Variants in SLAIN1 observed in about 807,000 individuals in gnomAD.
The protein encoded by SLAIN1 is SLAIN motif-containing protein 1.
In SLAIN1, 17 loss-of-function variants were observed where a neutral mutation model predicts 55.4. The observed-to-expected ratio is 0.31, with a 90% CI of 0.21 to 0.46. The LOEUF is 0.46. Ranked by LOEUF, SLAIN1 falls within the 20% of genes least tolerant of loss-of-function variation. The pLI is 1.00. For synonymous variants in SLAIN1, 348 were observed against 337.4 expected, an observed-to-expected ratio of 1.03 and a Z score of -0.35; for missense variants, 682 against 785.1, an observed-to-expected ratio of 0.87 and a Z score of 1.57.
chr13:77,698,457 C>T lies in SLAIN1; in HGVS notation c.544C>T (p.Pro182Ser). 1 of 1,441,418 alleles carries T rather than the reference C, an allele frequency of 6.9e-7. No individual in the cohort carries two copies. Among genetic ancestry groups the T allele is most frequent in the East Asian group, 3.0e-5 (1 of 32,950 alleles). 89.3% of individuals were successfully genotyped at this position (1,441,418 alleles called of 1,614,324 possible). A position where few individuals can be genotyped will look rare whatever the true frequency, so the allele number is the denominator to read the frequency against. The change falls in exon 1 of 7, where the codon CCG (proline) becomes TCG (serine). Residue 182 changes from proline (P) to serine (S), a missense_variant. Coordinates refer to ENST00000418532, the MANE Select transcript of SLAIN1 (RefSeq NM_001242868.2). This position sits in a 1 kb window ranked among gnomAD's most constrained non-coding sequence, Gnocchi z 4.1. The stretch of plus-strand genomic sequence containing the variant: ...AGGGGCAGCTGCAGCGCCGCCCTCG[C>T]CGCCCCCCACGCTGCTGGACGAGGT... ...PPGAAAAPPS[P>S]PPTLLDEVEL...
chr13:77,698,417 C>A lies in SLAIN1; in HGVS notation c.504C>A (p.Gly168=). The change falls in exon 1 of 7, where the codon GGC becomes GGA. Residue 168 remains glycine (G), a synonymous_variant. Transcript: ENST00000418532. This position sits in a 1 kb window ranked among gnomAD's most constrained non-coding sequence, Gnocchi z 4.1. The part of the protein sequence containing the change: ...GAGGGGPEPG[G]AGTPPGAAAA... The stretch of plus-strand genomic sequence containing the variant: ...GCGGTGGCGGGCCGGAGCCGGGGGG[C>A]GCGGGGACGCCGCCAGGGGCAGCTG... The A allele has an allele frequency of 7.2e-7, 1 of 1,393,238 alleles. No individual in the cohort carries two copies. The allele number at this position is 1,393,238 out of a possible 1,614,324, so 86.3% of individuals were successfully genotyped here. A position where few individuals can be genotyped will look rare whatever the true frequency, so the allele number is the denominator to read the frequency against.
At chr13:77,759,637 G>T (rs1279893806) in intron 5 of SLAIN1, among the ~76,000 whole-genome samples, 1 of 152,092 alleles carries the variant, frequency 6.6e-6, no homozygotes. Context: ...TTTGTTGAGG[G>T]TTTTTATCAT....
intron 2 of SLAIN1, among the ~76,000 whole-genome samples, chr13:77,723,534 A>G (rs2091280741): frequency 6.6e-6 from 1 of 152,176 alleles, no homozygotes; most frequent in Non-Finnish European, 1.5e-5. Flanking sequence ...TATTTGGGTT[A>G]GGTATAGAAT....
rs912709254 is a variant in SLAIN1, at chr13:77,764,227, C to CA, written c.*1009dup. 2 of 152,588 alleles carry CA rather than the reference C, an allele frequency of 1.3e-5. No individual in the cohort carries two copies. The highest frequency in any genetic ancestry group is 4.8e-5 in the African/African-American group (2 of 41,448). 9.5% of individuals were successfully genotyped at this position (152,588 alleles called of 1,614,324 possible). A position where few individuals can be genotyped will look rare whatever the true frequency, so the allele number is the denominator to read the frequency against. Reference sequence around the variant, plus strand: ...TTCAGAAATAAAGACTCTATTTCAGCAATATCAGGTCATGCATGAATGTAC... The same window carrying CA: ...TTCAGAAATAAAGACTCTATTTCAGCAAATATCAGGTCATGCATGAATGTAC... On this transcript the variant is annotated 3_prime_UTR_variant, in exon 7 of 7. Transcript: ENST00000418532.
intron 5 of SLAIN1, among the ~76,000 whole-genome samples, chr13:77,754,852 G>A (rs944202993): frequency 2.0e-5 from 3 of 152,068 alleles, no homozygotes; most frequent in African/African-American, 7.2e-5. Flanking sequence ...AGTGCCTGAC[G>A]TATTGCCAGA....
At chr13:77,727,513 A>C (rs2091318866) in intron 2 of SLAIN1, among the ~76,000 whole-genome samples, 1 of 151,952 alleles carries the variant, frequency 6.6e-6, no homozygotes, top group Non-Finnish European at 1.5e-5. Flanking sequence ...CCAAAAAAAA[A>C]AAACAAAAAC....
At chr13:77,745,103 C>T (rs1209702203) in intron 3 of SLAIN1, among the ~76,000 whole-genome samples, 12 of 151,880 alleles carry the variant, frequency 7.9e-5, no homozygotes, top group Non-Finnish European at 1.5e-4. Flanking sequence ...AAGAGGGTCT[C>T]GAAGCTGGAT....
At chr13:77,739,235 T>C (rs944702020) in intron 2 of SLAIN1, among the ~76,000 whole-genome samples, 3 of 152,082 alleles carry the variant, frequency 2.0e-5, no homozygotes, top group African/African-American at 7.2e-5. Flanking sequence ...TAGACTATTA[T>C]GTGTCTTCAG....
At chr13:77,741,547 G>A (rs1873439994) in intron 2 of SLAIN1, 1 of 506,070 alleles carries the variant, frequency 2.0e-6, no homozygotes, top group Middle Eastern at 3.7e-4. Context: ...CATTGCGAAT[G>A]TGGTTTCCTT....
intron 1 of SLAIN1, among the ~76,000 whole-genome samples, chr13:77,707,602 G>A (rs1389271265): frequency 1.3e-5 from 2 of 152,078 alleles, no homozygotes; most frequent in African/African-American, 2.4e-5. Context: ...CCTTGGTGCA[G>A]TTTACTAGTG....
In SLAIN1 at chr13:77,746,543, G is replaced by A. The variant is rs774828113; in HGVS notation, c.946G>A (p.Ala316Thr). 2.7e-5 allele frequency: 44 copies of A among 1,608,796 alleles called. No homozygotes were observed. Among genetic ancestry groups the A allele is most frequent in the Non-Finnish European group, 3.4e-6 (4 of 1,175,998 alleles). The change falls in exon 4 of 7, where the codon GCA (alanine) becomes ACA (threonine). Residue 316 changes from alanine to threonine, a missense_variant. By Grantham distance (58) the Ala-to-Thr change is moderately conservative. Around this residue, in one of 3 missense-constraint regions of SLAIN1, gnomAD observed 37 missense variants for 72.6 expected, o/e 0.51. Coordinates refer to ENST00000418532, the MANE Select transcript of SLAIN1 (RefSeq NM_001242868.2). ...CAGGCAAGATTATGCTTCTACTTCA[G>A]CATCTGTATCAAGACATAGTTCCAG... ...SLRQDYASTS[A>T]SVSRHSSSVS... is the part of the protein sequence containing the mutation.
At chr13:77,710,176 G>A (rs899836849) in intron 1 of SLAIN1, among the ~76,000 whole-genome samples, 2 of 152,004 alleles carry the variant, frequency 1.3e-5, no homozygotes, top group African/African-American at 4.8e-5. Flanking sequence ...TCAACTAATG[G>A]GCAAAATAAC....
rs1291911014 is a variant in SLAIN1, at chr13:77,699,153, T to C, written c.626+614T>C. On this transcript the variant is annotated intron_variant, in intron 1 of 6. Coordinates refer to ENST00000418532, the MANE Select transcript of SLAIN1 (RefSeq NM_001242868.2). ...TCAGAGACTGACTTGCTTTTTAAAATGGGGTGACCTCACTGGCTTTCCCAT... is the reference window on the plus strand; with the variant it reads ...TCAGAGACTGACTTGCTTTTTAAAACGGGGTGACCTCACTGGCTTTCCCAT... The C allele has an allele frequency of 2.5e-6, 3 of 1,218,908 alleles. No homozygotes were observed. In the East Asian group the frequency reaches 7.7e-5, roughly 31 times the overall value. 75.5% of individuals were successfully genotyped at this position (1,218,908 alleles called of 1,614,324 possible). A position where few individuals can be genotyped will look rare whatever the true frequency, so the allele number is the denominator to read the frequency against.
chr13:77,719,559 C>T lies in SLAIN1; in HGVS notation c.654C>T (p.Phe218=), dbSNP rs755732063. The change falls in exon 2 of 7, where the codon TTC becomes TTT. Residue 218 remains phenylalanine, a synonymous_variant. Transcript: ENST00000418532. ...TATACATTGGCTCTTCAAAGACGTT[C>T]ACCTCATCAGAGAAATCCCTGACTC... is the stretch of plus-strand genomic sequence containing the variant. The part of the protein sequence containing the change: ...TWLYIGSSKT[F]TSSEKSLTPL... The T allele has an allele frequency of 6.2e-7, 1 of 1,613,076 alleles. No individual in the cohort carries two copies. Among genetic ancestry groups the T allele is most frequent in the Admixed American group, 1.7e-5 (1 of 59,902 alleles).
intron 2 of SLAIN1, among the ~76,000 whole-genome samples, chr13:77,740,538 C>A (rs879575547): frequency 0.019 from 2,821 of 145,922 alleles, 40 homozygotes; most frequent in Non-Finnish European, 0.033. Context: ...GCCCCCCCCC[C>A]CTTTTTTTAT....
chr13:77,711,254 A>T (rs2091147288), intron 1 of SLAIN1, among the ~76,000 whole-genome samples: 1 of 152,114 alleles, frequency 6.6e-6, no homozygotes, highest in African/African-American at 2.4e-5. Flanking sequence ...AGAGACATGA[A>T]AAACCCTTTT....
Position 77,728,266 on chromosome 13 carries a change from A to G in SLAIN1, c.766+8595A>G, listed in dbSNP as rs563683028. Among the ~76,000 whole-genome samples the G allele has an allele frequency of 5.9e-5, 9 of 152,324 alleles. No homozygotes were observed. In the South Asian group the frequency reaches 1.9e-3, roughly 32 times the overall value. Reference sequence around the variant, plus strand: ...TCCTAAATTGAAATAAGGCTAATCTAGGGTCTTTGGTAAATTCACGCATGA... The same window carrying G: ...TCCTAAATTGAAATAAGGCTAATCTGGGGTCTTTGGTAAATTCACGCATGA... On this transcript the variant is annotated intron_variant, in intron 2 of 6. Coordinates refer to ENST00000418532, the MANE Select transcript of SLAIN1 (RefSeq NM_001242868.2).
At chr13:77,759,012 G>A (rs1874813713) in intron 5 of SLAIN1, among the ~76,000 whole-genome samples, 1 of 152,016 alleles carries the variant, frequency 6.6e-6, no homozygotes. Flanking sequence ...TGAATCTGTA[G>A]ATTGCTTTGG....
At chr13:77,701,777 A>G (rs866468941) in intron 1 of SLAIN1, among the ~76,000 whole-genome samples, 3 of 151,098 alleles carry the variant, frequency 2.0e-5, no homozygotes, top group Non-Finnish European at 3.0e-5. Flanking sequence ...TTTATTTTTT[A>G]TTATTATACT....
Sources: gnomAD v4.1 joint callset for allele counts (sites outside exome capture counted in the v4.1 genomes callset) on GRCh38, gnomAD v4.1.1 for gene constraint, gnomAD v4.1.1 regional missense constraint, Gnocchi (gnomAD v3.1) non-coding constraint, MANE v1.5 for transcripts, NCBI Gene and HGNC (gene_info 2026-07-23, HGNC 2026-07-21) for gene names.